Variants in ASPH observed in about 807,000 individuals in gnomAD.
The protein encoded by ASPH is aspartyl/asparaginyl beta-hydroxylase.
A neutral mutation model predicts 118.4 loss-of-function variants in ASPH; 100 were observed. The observed-to-expected ratio is 0.84, with a 90% CI of 0.72 to 1.00. The LOEUF (loss-of-function observed/expected upper bound fraction) is 1.00. Among genes scored for constraint, ASPH ranks in the 50% least tolerant of loss-of-function variants. The probability of loss-of-function intolerance (pLI) is 0.00; values close to 1 mark genes in which losing one functional copy is unlikely to be tolerated. For missense variants in ASPH, 920 were observed against 919.5 expected, an observed-to-expected ratio of 1.00 and a Z score of -0.01; for synonymous variants, 315 against 325.6, an observed-to-expected ratio of 0.97 and a Z score of 0.35.
At chr8:61,597,196 G>A (rs1458259783) in intron 14 of ASPH, among the ~76,000 whole-genome samples, 27 of 112,782 alleles carry the variant, frequency 2.4e-4, no homozygotes, top group East Asian at 1.6e-3. Flanking sequence ...ATCCAGTCAG[G>A]AAAAAAAAAA....
At chr8:61,630,167 G>C (rs1362611097) in intron 13 of ASPH, among the ~76,000 whole-genome samples, 1 of 152,118 alleles carries the variant, frequency 6.6e-6, no homozygotes, top group Non-Finnish European at 1.5e-5. Context: ...GCTATATTAA[G>C]ACTGTATAAC....
chr8:61,714,568 G>C lies in ASPH; in HGVS notation c.-197C>G. The C allele has an allele frequency of 3.7e-6, 3 of 819,924 alleles. No homozygotes were observed. Among genetic ancestry groups the C allele is most frequent in the Admixed American group, 4.4e-5 (1 of 22,874 alleles). The allele number at this position is 819,924 out of a possible 1,614,324, so 50.8% of individuals were successfully genotyped here. A position where few individuals can be genotyped will look rare whatever the true frequency, so the allele number is the denominator to read the frequency against. On this transcript the variant is annotated 5_prime_UTR_variant, in exon 1 of 25. Transcript: ENST00000379454. ...CCCGCCTGCCGGCTGCGCGCGCCCG[G>C]CCTCGCGTGTACGAACCTGTGACTC...
chr8:61,638,406 G>A, intron 10 of ASPH, 43 bp from the exon 11 acceptor site: 3 of 1,490,096 alleles, frequency 2.0e-6, no homozygotes, highest in Admixed American at 2.0e-5. Flanking sequence ...AACTTTCATT[G>A]TAACACAAAA....
At chr8:61,611,113 G>A (rs1009669194) in intron 14 of ASPH, among the ~76,000 whole-genome samples, 1 of 152,208 alleles carries the variant, frequency 6.6e-6, no homozygotes, top group African/African-American at 2.4e-5. Flanking sequence ...CACCTTCATG[G>A]GTAGCCCCAG....
At chr8:61,582,322 C>T (rs1052207865) in intron 15 of ASPH, among the ~76,000 whole-genome samples, 3 of 152,162 alleles carry the variant, frequency 2.0e-5, no homozygotes, top group African/African-American at 7.2e-5. Context: ...TCTAAAGCTG[C>T]TCATATGTTT....
chr8:61,678,463 C>T (rs1826405329), intron 3 of ASPH, among the ~76,000 whole-genome samples: 1 of 151,932 alleles, frequency 6.6e-6, no homozygotes, highest in East Asian at 1.9e-4. Context: ...TCAGAAGGGC[C>T]TTGGCCAGAA....
chr8:61,695,020 C>T (rs1017688337), intron 1 of ASPH, among the ~76,000 whole-genome samples: 1 of 152,172 alleles, frequency 6.6e-6, no homozygotes, highest in East Asian at 1.9e-4. Context: ...GTGATTACAA[C>T]GAGGCCAAGA....
intron 14 of ASPH, among the ~76,000 whole-genome samples, chr8:61,604,555 T>C (rs1365165104): frequency 1.3e-5 from 2 of 152,246 alleles, no homozygotes; most frequent in Admixed American, 6.5e-5. Context: ...CTACTGAGCA[T>C]ACTGTCACTT....
In ASPH at chr8:61,633,493, G is replaced by A. The variant is rs1856485178; in HGVS notation, c.934+190C>T. On this transcript the variant is annotated intron_variant, in intron 13 of 24. Coordinates refer to ENST00000379454, the MANE Select transcript of ASPH (RefSeq NM_004318.4). ...AATTCTAGCTCAGCAGATATGTACT[G>A]CACTGAATCTGATGTGCATTTTCCA... is the stretch of plus-strand genomic sequence containing the variant. 4 of 477,260 alleles carry A rather than the reference G, an allele frequency of 8.4e-6. No homozygotes were observed. The South Asian group carries it at 1.2e-4, about 14-fold the overall frequency. 29.6% of individuals were successfully genotyped at this position (477,260 alleles called of 1,614,324 possible).
intron 24 of ASPH, among the ~76,000 whole-genome samples, chr8:61,514,024 T>G (rs1407075123): frequency 6.6e-6 from 1 of 152,162 alleles, no homozygotes; most frequent in African/African-American, 2.4e-5. Flanking sequence ...AGATGGGGTC[T>G]CACTATGTTT....
chr8:61,562,663 G>C (rs146539792), intron 18 of ASPH, 81 bp downstream of exon 18: 14,715 of 1,310,574 alleles, frequency 0.011, 131 homozygotes, highest in Non-Finnish European at 0.014. Flanking sequence ...TTAAAATAAA[G>C]AGAGACTGGG....
At chr8:61,699,147 G>A (rs1185246777) in intron 1 of ASPH, among the ~76,000 whole-genome samples, 1 of 152,198 alleles carries the variant, frequency 6.6e-6, no homozygotes, top group Non-Finnish European at 1.5e-5. Context: ...GCAGTCTTGT[G>A]AGAACTATTC....
At chr8:61,651,021 CA>C (rs780250310) in intron 5 of ASPH, 28 bp downstream of exon 5, 20 of 1,583,940 alleles carry the variant, frequency 1.3e-5, no homozygotes, top group Non-Finnish European at 1.6e-5. Flanking sequence ...TTTAGTAACT[CA>C]AAACAAAGAG....
At chr8:61,536,042 T>TTTC (rs1819428316) in intron 21 of ASPH, among the ~76,000 whole-genome samples, 1 of 150,420 alleles carries the variant, frequency 6.6e-6, no homozygotes, top group African/African-American at 2.4e-5. Context: ...GGTGACTTTT[T>TTTC]TTTTTTTTTT....
chr8:61,693,601 C>A (rs975868304), intron 1 of ASPH, among the ~76,000 whole-genome samples: 2 of 152,006 alleles, frequency 1.3e-5, no homozygotes, highest in African/African-American at 4.8e-5. Flanking sequence ...ACGGCCACCA[C>A]CACTGGGGAA....
intron 21 of ASPH, among the ~76,000 whole-genome samples, chr8:61,531,534 T>A (rs1277779634): frequency 6.6e-6 from 1 of 152,024 alleles, no homozygotes; most frequent in Non-Finnish European, 1.5e-5. Context: ...TTTATAATTT[T>A]TTTCTTGTTA....
At chr8:61,567,047 A>G (rs1831949311) in intron 17 of ASPH, 121 bp downstream of exon 17, 1 of 1,226,528 alleles carries the variant, frequency 8.2e-7, no homozygotes. Flanking sequence ...ATTACTTGAA[A>G]TCAGTTGTAA....
At chr8:61,660,960 G>T (rs1223508568) in intron 3 of ASPH, 3 of 151,986 alleles carry the variant, frequency 2.0e-5, no homozygotes, top group Admixed American at 6.6e-5. Flanking sequence ...TCACAATTAG[G>T]CTGGTTATTA....
At chr8:61,653,974 T>C (rs753018704) in intron 3 of ASPH, among the ~76,000 whole-genome samples, 8 of 152,200 alleles carry the variant, frequency 5.3e-5, no homozygotes, top group Non-Finnish European at 1.2e-4. Flanking sequence ...GCTCCTTTTG[T>C]TTTCATAAGC....
Sources: gnomAD v4.1 joint callset for allele counts (sites outside exome capture counted in the v4.1 genomes callset) on GRCh38, gnomAD v4.1.1 for gene constraint, MANE v1.5 for transcripts, NCBI Gene and HGNC (gene_info 2026-07-23, HGNC 2026-07-21) for gene names.